The following POTEE variants were observed in gnomAD, a reference collection of about 807,000 sequenced individuals.
The protein encoded by POTEE is POTE ankyrin domain family member E.
POTEE carries 21 observed loss-of-function variants against 74.2 expected under a neutral mutation model. The observed-to-expected ratio is 0.28, with a 90% confidence interval of 0.20 to 0.41. The LOEUF (loss-of-function observed/expected upper bound fraction) is 0.41. Ranked by LOEUF, POTEE falls within the 10% of genes least tolerant of loss-of-function variation. The pLI is 1.00. For synonymous variants in POTEE, 211 were observed against 432.8 expected (o/e 0.49, Z 6.36); for missense variants, 525 against 1,158.6 (o/e 0.45, Z 7.94).
In POTEE at chr2:131,217,796, GGCA is replaced by G. The variant is rs1700481864; in HGVS notation, c.-94+119_-94+121del. Among the ~76,000 whole-genome samples the G allele has an allele frequency of 2.0e-5, 3 of 149,894 alleles. 1 individual carries two copies. Among genetic ancestry groups the G allele is most frequent in the African/African-American group, 7.5e-5 (3 of 40,112 alleles). ...ACGCCGCACGCGCACGCGCACGCCC[GGCA>G]GCAGCTTGCTGGCTTGTAACGGCTT... On this transcript the variant is annotated intron_variant, in intron 3 of 17. Coordinates refer to ENST00000683005, the MANE Select transcript of POTEE (RefSeq NM_001083538.3).
intron 3 of POTEE, chr2:131,218,025 A>G (rs2105064420): frequency 3.4e-6 from 1 of 295,148 alleles, no homozygotes; most frequent in African/African-American, 3.0e-5. Flanking sequence ...GCTTGGATTG[A>G]CGTTTCCTGC....
Position 131,228,124 on chromosome 2 carries a change from T to A in POTEE, c.918-120T>A, listed in dbSNP as rs374953960. Reference sequence around the variant, plus strand: ...AACACTTGAGCACTCAAGATGCTTATGTCTTTTAGTGCATGTAAATGTTTG... The same window carrying A: ...AACACTTGAGCACTCAAGATGCTTAAGTCTTTTAGTGCATGTAAATGTTTG... On this transcript the variant is annotated intron_variant, in intron 7 of 17. Transcript: ENST00000683005. The A allele has an allele frequency of 6.1e-4, 899 of 1,485,856 alleles. 4 individuals are homozygous for A. In the South Asian group the frequency reaches 0.011, roughly 19 times the overall value. 92.0% of individuals were successfully genotyped at this position (1,485,856 alleles called of 1,614,324 possible). A position where few individuals can be genotyped will look rare whatever the true frequency, so the allele number is the denominator to read the frequency against.
rs1183769910 is a variant in POTEE, at chr2:131,222,473, C to T, written c.522-1123C>T. ...AATGAATGGGTACTGGGCTTAACAC[C>T]TGAGTAATGAAATAATCTGTACAAC... On this transcript the variant is annotated intron_variant, in intron 4 of 17. Transcript: ENST00000683005. 2.6e-5 allele frequency among the ~76,000 whole-genome samples: 4 copies of T among 151,514 alleles called. No individual in the cohort carries two copies. The East Asian group carries it at 5.8e-4, about 22-fold the overall frequency.
chr2:131,212,645 A>G (rs1573691445), intron 2 of POTEE, among the ~76,000 whole-genome samples: 1 of 142,310 alleles, frequency 7.0e-6, no homozygotes, highest in South Asian at 2.3e-4. Flanking sequence ...GCTCACTGCA[A>G]CCTCCGCTTC....
At chr2:131,212,381 G>A (rs1172222099) in intron 2 of POTEE, among the ~76,000 whole-genome samples, 7 of 151,452 alleles carry the variant, frequency 4.6e-5, no homozygotes, top group Admixed American at 2.6e-4. Flanking sequence ...GGGCTAATGC[G>A]TTATAAGTAG....
chr2:131,262,979 T>C (rs1004518442), intron 17 of POTEE, among the ~76,000 whole-genome samples: 1 of 152,046 alleles, frequency 6.6e-6, no homozygotes, highest in African/African-American at 2.4e-5. Flanking sequence ...ATCTTAAAAA[T>C]GTAGTCAAAT....
At chr2:131,228,501 A>G (rs1180616647) in intron 8 of POTEE, 120 bp downstream of exon 8, 1 of 1,559,058 alleles carries the variant, frequency 6.4e-7, no homozygotes, top group African/African-American at 1.4e-5. Flanking sequence ...TTCGCGTGGC[A>G]GTGAGTTAGT....
At chr2:131,235,322 T>C (rs965741481) in intron 9 of POTEE, among the ~76,000 whole-genome samples, 1 of 152,078 alleles carries the variant, frequency 6.6e-6, no homozygotes, top group Non-Finnish European at 1.5e-5. Flanking sequence ...CTCAAGACTG[T>C]CCTCTGCAGT....
At chr2:131,234,024 C>T (rs1271263028) in intron 9 of POTEE, among the ~76,000 whole-genome samples, 2 of 151,224 alleles carry the variant, frequency 1.3e-5, no homozygotes, top group African/African-American at 4.9e-5. Context: ...ATTTATAACT[C>T]GCATCCTACT....
chr2:131,211,541 G>GTGTGTGTGTGTGTGTGTGTGGTT (rs1700358185), intron 2 of POTEE, among the ~76,000 whole-genome samples: 1 of 7,548 alleles, frequency 1.3e-4, no homozygotes, highest in Non-Finnish European at 5.1e-4. Context: ...TGTGTGTGTG[G>GTGTGTGTGTGTGTGTGTGTGGTT]CTTTTTTTTT....
rs138080487 is a variant in POTEE at position 131,209,777 on chromosome 2, G to A, written c.-387G>A. ...CTTGCTGTGTTTGGTGGTGACGTGG[G>A]ACACTGCAGCTCGGCCAGAGTGGTA... On this transcript the variant is annotated 5_prime_UTR_variant, in exon 1 of 18. Coordinates refer to ENST00000683005, the MANE Select transcript of POTEE (RefSeq NM_001083538.3). Among the ~76,000 whole-genome samples the A allele has an allele frequency of 0.031, 4,682 of 151,744 alleles. 29 individuals are homozygous for A. Among genetic ancestry groups the A allele is most frequent in the African/African-American group, 0.11 (4,399 of 41,048 alleles).
intron 1 of POTEE, among the ~76,000 whole-genome samples, chr2:131,210,335 G>A (rs1262085077): frequency 8.0e-6 from 1 of 124,308 alleles, no homozygotes; most frequent in Non-Finnish European, 1.7e-5. Context: ...AGGGGTGGTT[G>A]GGGGGGGGTA....
intron 6 of POTEE, among the ~76,000 whole-genome samples, chr2:131,224,891 G>A (rs1438039670): frequency 1.3e-5 from 2 of 152,068 alleles, no homozygotes; most frequent in Non-Finnish European, 2.9e-5. Flanking sequence ...TCTCAGCTCT[G>A]CTTTCAAATC....
At chr2:131,218,046 G>A (rs1226740049) in intron 3 of POTEE, 2 of 350,996 alleles carry the variant, frequency 5.7e-6, no homozygotes, top group African/African-American at 4.5e-5. Context: ...TTGGATTGAC[G>A]TTTTCTCTCT....
chr2:131,211,425 C>T (rs1283784728), intron 2 of POTEE, among the ~76,000 whole-genome samples: 1 of 146,392 alleles, frequency 6.8e-6, no homozygotes, highest in Admixed American at 7.0e-5. Flanking sequence ...GAAAGGAGTC[C>T]TCCCCCTTCT....
intron 2 of POTEE, among the ~76,000 whole-genome samples, chr2:131,215,446 G>C (rs1700427692): frequency 6.6e-6 from 1 of 151,990 alleles, no homozygotes; most frequent in Non-Finnish European, 1.5e-5. Context: ...TGCAATTATA[G>C]TCTTTACAAA....
chr2:131,228,978 A>G (rs1700864288), intron 8 of POTEE, among the ~76,000 whole-genome samples: 1 of 147,794 alleles, frequency 6.8e-6, no homozygotes, highest in African/African-American at 2.7e-5. Context: ...GGCGATTCAT[A>G]CAGTGACTTT....
At position 131,229,944 on chromosome 2, in the gene POTEE, G is replaced by A. The variant is rs551870159; in HGVS notation, c.1056-892G>A. ...AATGTCAGCTTGCTACTTCTCTGTGGAAACTAAAAAAAAATAAAAGTAGAC... is the reference window on the plus strand; with the variant it reads ...AATGTCAGCTTGCTACTTCTCTGTGAAAACTAAAAAAAAATAAAAGTAGAC... On this transcript the variant is annotated intron_variant, in intron 8 of 17. Coordinates refer to ENST00000683005, the MANE Select transcript of POTEE (RefSeq NM_001083538.3). Among the ~76,000 whole-genome samples, 404 of 151,950 alleles carry A rather than the reference G, an allele frequency of 2.7e-3. 6 individuals are homozygous for A. Among genetic ancestry groups the A allele is most frequent in the Non-Finnish European group, 2.0e-3 (134 of 67,966 alleles).
intron 16 of POTEE, among the ~76,000 whole-genome samples, chr2:131,258,617 TC>T (rs1441461518): frequency 6.6e-6 from 1 of 152,078 alleles, no homozygotes; most frequent in Non-Finnish European, 1.5e-5. Flanking sequence ...TGCTGGCAAA[TC>T]TAGCTTTTTC....
Sources: allele counts gnomAD v4.1 joint callset (sites outside exome capture counted in the v4.1 genomes callset), GRCh38; gene constraint gnomAD v4.1.1; transcripts MANE v1.5; gene names NCBI Gene and HGNC (gene_info 2026-07-23, HGNC 2026-07-21).